MGST1: variants seen among roughly 807,000 people sequenced by gnomAD.
MGST1 encodes the protein glutathione S-transferase 12.
MGST1 carries 5 observed loss-of-function variants against 8.9 expected under a neutral mutation model. The ratio of observed to expected loss-of-function variants is 0.56; its 90% CI spans 0.29 to 1.19. The LOEUF (loss-of-function observed/expected upper bound fraction) is 1.19. Among genes scored for constraint, MGST1 ranks in the 50% most tolerant of loss-of-function variants. The pLI is 0.08. For missense variants in MGST1, 182 were observed against 187.4 expected (o/e 0.97, Z 0.17); for synonymous variants, 54 against 67.8 (o/e 0.80, Z 1.00).
intron 4 of MGST1, among the ~76,000 whole-genome samples, chr12:16,588,416 A>T (rs1309128269): frequency 6.6e-6 from 1 of 152,034 alleles, no homozygotes; most frequent in African/African-American, 2.4e-5. Context: ...AAGAAAACCT[A>T]AAACAACCTA....
intron 4 of MGST1, among the ~76,000 whole-genome samples, chr12:16,509,461 G>A (rs1290239675): frequency 6.6e-6 from 1 of 152,152 alleles, no homozygotes; most frequent in Non-Finnish European, 1.5e-5. Context: ...GCTACAAGAA[G>A]AGTTTAGTAA....
chr12:16,450,440 G>T (rs1941119637), intron 4 of MGST1, among the ~76,000 whole-genome samples: 1 of 151,932 alleles, frequency 6.6e-6, no homozygotes, highest in Non-Finnish European at 1.5e-5. Flanking sequence ...AATTGTTCTT[G>T]ATGACTGAAA....
chr12:16,470,124 C>T (rs1037874742), intron 4 of MGST1, among the ~76,000 whole-genome samples: 1 of 152,076 alleles, frequency 6.6e-6, no homozygotes, highest in African/African-American at 2.4e-5. Context: ...GTATTATTTT[C>T]TCCACATTGG....
intron 4 of MGST1, among the ~76,000 whole-genome samples, chr12:16,499,714 A>G (rs1941493126): frequency 6.6e-6 from 1 of 151,312 alleles, no homozygotes; most frequent in Non-Finnish European, 1.5e-5. Flanking sequence ...CTTTAGTTTT[A>G]TCTTGTTTTC....
intron 1 of MGST1, among the ~76,000 whole-genome samples, chr12:16,409,252 G>A (rs1200452727): frequency 2.0e-5 from 3 of 151,940 alleles, no homozygotes; most frequent in African/African-American, 7.3e-5. Context: ...TAGAGTTAAG[G>A]TGATGTGTAA....
At chr12:16,496,991 T>C (rs1194657005) in intron 4 of MGST1, among the ~76,000 whole-genome samples, 1 of 152,160 alleles carries the variant, frequency 6.6e-6, no homozygotes, top group African/African-American at 2.4e-5. Context: ...CAGCTATTAA[T>C]TGGCACTGCT....
intron 1 of MGST1, 23 bp from the exon 2 acceptor site, chr12:16,354,208 C>A: frequency 1.3e-6 from 2 of 1,529,586 alleles, no homozygotes; most frequent in South Asian, 1.3e-5. Flanking sequence ...TGCTTTTTCC[C>A]ATTTTATTTA....
chr12:16,486,884 A>G (rs895225683), intron 4 of MGST1, among the ~76,000 whole-genome samples: 3 of 114,254 alleles, frequency 2.6e-5, no homozygotes, highest in Non-Finnish European at 6.7e-5. Context: ...CTACTTGATT[A>G]TACTCCTGTA....
At position 16,414,170 on chromosome 12, in the gene MGST1, C is replaced by T. The variant is rs1225924693; in HGVS notation, n.779-23218C>T. Among the ~76,000 whole-genome samples the T allele has an allele frequency of 3.3e-5, 5 of 151,754 alleles. No homozygotes were observed. In the South Asian group the frequency reaches 8.3e-4, roughly 25 times the overall value. On this transcript the variant is annotated intron_variant and non_coding_transcript_variant, in intron 1 of 1. Transcript: ENST00000359720. ...CCCTAGCTTTCATGCTCTCTTTATT[C>T]CTGTGGAATATCAATTTTTCTAGCT...
At chr12:16,399,926 C>A in intron 1 of MGST1, 9 of 1,292,184 alleles carry the variant, frequency 7.0e-6, no homozygotes, top group Non-Finnish European at 1.0e-5. Context: ...TCCAATGTCA[C>A]CACAAAAGGT....
intron 4 of MGST1, among the ~76,000 whole-genome samples, chr12:16,540,294 C>T (rs1257521227): frequency 6.6e-6 from 1 of 152,154 alleles, no homozygotes; most frequent in Middle Eastern, 3.4e-3. Flanking sequence ...TTTTTTAGAG[C>T]CAGGGTCTTG....
chr12:16,447,357 A>G (rs1941088427), intron 4 of MGST1, among the ~76,000 whole-genome samples: 1 of 151,904 alleles, frequency 6.6e-6, no homozygotes, highest in Admixed American at 6.6e-5. Context: ...GTTGCTTTTG[A>G]TATAATTTAA....
intron 4 of MGST1, chr12:16,550,168 G>A (rs762123253): frequency 6.6e-5 from 10 of 152,126 alleles, no homozygotes; most frequent in Non-Finnish European, 1.3e-4. Flanking sequence ...GCTTCAATGT[G>A]CATTATAGTG....
chr12:16,541,737 C>T (rs912408065), intron 4 of MGST1, among the ~76,000 whole-genome samples: 6 of 151,708 alleles, frequency 4.0e-5, no homozygotes, highest in African/African-American at 1.2e-4. Context: ...GGAGAAGTGA[C>T]GACATCATAC....
chr12:16,525,892 CA>C (rs1941683362), intron 4 of MGST1, among the ~76,000 whole-genome samples: 2 of 150,018 alleles, frequency 1.3e-5, no homozygotes, highest in African/African-American at 2.4e-5. Flanking sequence ...CTCTGATGGC[CA>C]GTGATGGTGA....
intron 4 of MGST1, among the ~76,000 whole-genome samples, chr12:16,487,642 T>A (rs1175131202): frequency 6.6e-6 from 1 of 152,152 alleles, no homozygotes; most frequent in Non-Finnish European, 1.5e-5. Context: ...ATCTTCTAGA[T>A]CAAGTGATAG....
In MGST1 at chr12:16,560,628, G is replaced by T; in HGVS notation, n.483-28900G>T. The stretch of plus-strand genomic sequence containing the variant: ...AGATGATGTTAATATACTCTGTAAA[G>T]CTACAATACACAATGCTTTATGATG... On this transcript the variant is annotated intron_variant and non_coding_transcript_variant, in intron 4 of 4. Coordinates refer to the MGST1 transcript ENST00000538857. This position sits in a 1 kb window ranked among gnomAD's most constrained non-coding sequence, Gnocchi z 5.0. 8.7e-7 allele frequency: 1 copy of T among 1,145,042 alleles called. No homozygotes were observed. The highest frequency in any genetic ancestry group is 1.3e-6 in the Non-Finnish European group (1 of 790,550). 70.9% of individuals were successfully genotyped at this position (1,145,042 alleles called of 1,614,324 possible).
At position 16,582,170 on chromosome 12, in the gene MGST1, CTCTT is replaced by C. The variant is rs1266488062; in HGVS notation, n.483-7356_483-7353del. Among the ~76,000 whole-genome samples, 7 of 152,064 alleles carry C rather than the reference CTCTT, an allele frequency of 4.6e-5. No individual in the cohort carries two copies. The highest frequency in any genetic ancestry group is 1.0e-4 in the Non-Finnish European group (7 of 67,994). Reference sequence around the variant, plus strand: ...ATATTTAACTGGTTTCTTCCTGTTTCTCTTTATTTGGAAGTTTTGAAATGGCTGA... The same window carrying C: ...ATATTTAACTGGTTTCTTCCTGTTTCTATTTGGAAGTTTTGAAATGGCTGA... On this transcript the variant is annotated intron_variant and non_coding_transcript_variant, in intron 4 of 4. Transcript: ENST00000538857. The surrounding 1 kb of genome is among the most constrained non-coding windows in gnomAD (Gnocchi z 4.1).
intron 4 of MGST1, among the ~76,000 whole-genome samples, chr12:16,486,314 C>T (rs1055989566): frequency 6.6e-6 from 1 of 152,050 alleles, no homozygotes; most frequent in African/African-American, 2.4e-5. Flanking sequence ...GCCTGAAGCA[C>T]CTAGAAGAAT....
Sources: gnomAD v4.1 joint callset for allele counts (sites outside exome capture counted in the v4.1 genomes callset) on GRCh38, gnomAD v4.1.1 for gene constraint, Gnocchi (gnomAD v3.1) non-coding constraint, MANE v1.5 for transcripts, NCBI Gene and HGNC (gene_info 2026-07-23, HGNC 2026-07-21) for gene names.